The following MCU variants were observed in gnomAD, a reference collection of about 807,000 sequenced individuals.
The protein encoded by MCU is mitochondrial calcium uniporter.
A neutral mutation model predicts 45.2 loss-of-function variants in MCU; 12 were observed. That is an observed-to-expected ratio of 0.27 (90% CI 0.17 to 0.43). The LOEUF (loss-of-function observed/expected upper bound fraction) is 0.43, where lower values mean the gene tolerates loss of function less well. MCU is among the 20% of genes least tolerant of loss of function. MCU has a pLI of 1.00. For synonymous variants in MCU, 160 were observed against 165.1 expected (o/e 0.97, Z 0.24); for missense variants, 324 against 436.7 (o/e 0.74, Z 2.30).
intron 1 of MCU, among the ~76,000 whole-genome samples, chr10:72,759,912 T>G (rs986811871): frequency 6.6e-6 from 1 of 152,216 alleles, no homozygotes; most frequent in African/African-American, 2.4e-5. Context: ...ATCCTTGATT[T>G]GGAGCTTCTA....
chr10:72,850,330 T>G (rs1401917814), intron 2 of MCU, among the ~76,000 whole-genome samples: 1 of 152,138 alleles, frequency 6.6e-6, no homozygotes, highest in Non-Finnish European at 1.5e-5. Context: ...AAATCGACAA[T>G]GTTAAGATCA....
chr10:72,708,086 G>A (rs1842846547), intron 1 of MCU, among the ~76,000 whole-genome samples: 1 of 152,184 alleles, frequency 6.6e-6, no homozygotes, highest in Non-Finnish European at 1.5e-5. Flanking sequence ...CAGGTATTGT[G>A]TATTTGCTTA....
At chr10:72,760,920 A>T (rs1221192947) in intron 1 of MCU, among the ~76,000 whole-genome samples, 4 of 152,028 alleles carry the variant, frequency 2.6e-5, no homozygotes, top group African/African-American at 9.7e-5. Context: ...TTAGTAAATG[A>T]TAGGGCTGAA....
chr10:72,862,172 G>C (rs1845388558), intron 4 of MCU, among the ~76,000 whole-genome samples: 1 of 151,824 alleles, frequency 6.6e-6, no homozygotes, highest in Non-Finnish European at 1.5e-5. Flanking sequence ...TAGTAGAGAC[G>C]GGGTTTCACC....
At chr10:72,706,356 G>A (rs755288948) in intron 1 of MCU, among the ~76,000 whole-genome samples, 3 of 151,680 alleles carry the variant, frequency 2.0e-5, no homozygotes, top group Admixed American at 2.0e-4. Context: ...GACTCAGAAG[G>A]TATAACAATA....
chr10:72,820,310 C>T (rs943585202), intron 1 of MCU, among the ~76,000 whole-genome samples: 2 of 152,074 alleles, frequency 1.3e-5, no homozygotes, highest in Admixed American at 1.3e-4. Context: ...TCTCATTCTC[C>T]TATTCTCATA....
chr10:72,804,972 G>C (rs1484263189), intron 1 of MCU, among the ~76,000 whole-genome samples: 1 of 151,960 alleles, frequency 6.6e-6, no homozygotes, highest in East Asian at 1.9e-4. Context: ...GGATTTGCTG[G>C]TTGCCCAGGC....
At chr10:72,738,995 A>G (rs977375645) in intron 1 of MCU, among the ~76,000 whole-genome samples, 2 of 152,104 alleles carry the variant, frequency 1.3e-5, no homozygotes, top group South Asian at 2.1e-4. Flanking sequence ...ATTATATTCA[A>G]CTAGAGCCAA....
chr10:72,780,210 A>G (rs1490927433), intron 1 of MCU, among the ~76,000 whole-genome samples: 1 of 152,198 alleles, frequency 6.6e-6, no homozygotes, highest in Non-Finnish European at 1.5e-5. Flanking sequence ...AATGTCCAGA[A>G]TAGGCAAATC....
intron 4 of MCU, among the ~76,000 whole-genome samples, chr10:72,866,260 G>T (rs1311865276): frequency 6.6e-6 from 1 of 152,048 alleles, no homozygotes; most frequent in African/African-American, 2.4e-5. Context: ...TTGAAATTCT[G>T]TATTTAAGAG....
chr10:72,747,422 T>A, intron 1 of MCU, among the ~76,000 whole-genome samples: 1 of 152,258 alleles, frequency 6.6e-6, no homozygotes, highest in African/African-American at 2.4e-5. Flanking sequence ...GTGCTTGTTA[T>A]GATGAGGTAA....
chr10:72,882,522 T>G (rs1214224078), intron 6 of MCU, among the ~76,000 whole-genome samples: 1 of 152,130 alleles, frequency 6.6e-6, no homozygotes, highest in Non-Finnish European at 1.5e-5. Context: ...CCGTCTTCTA[T>G]GGTCGAAACT....
At chr10:72,868,621 A>G (rs1845494284) in intron 4 of MCU, 82 bp from the exon 5 acceptor site, 7 of 1,276,624 alleles carry the variant, frequency 5.5e-6, no homozygotes, top group Non-Finnish European at 7.7e-6. Context: ...CCTATAATGG[A>G]TGAATCTGCC....
At chr10:72,846,801 A>G (rs1348905130) in intron 2 of MCU, among the ~76,000 whole-genome samples, 1 of 152,102 alleles carries the variant, frequency 6.6e-6, no homozygotes, top group Non-Finnish European at 1.5e-5. Flanking sequence ...GGGAACCAGG[A>G]TAGGGACTGG....
At chr10:72,730,948 T>A (rs1564540860) in intron 1 of MCU, 1 of 152,190 alleles carries the variant, frequency 6.6e-6, no homozygotes, top group Non-Finnish European at 1.5e-5. Context: ...AGTCGGTTTT[T>A]AAAAAATTGT....
intron 1 of MCU, among the ~76,000 whole-genome samples, chr10:72,775,421 A>G (rs1843876440): frequency 6.6e-6 from 1 of 152,162 alleles, no homozygotes; most frequent in Admixed American, 6.5e-5. Context: ...TATGATGATA[A>G]ACACTTCTAT....
intron 1 of MCU, chr10:72,767,147 C>A (rs770280719): frequency 6.6e-6 from 1 of 151,788 alleles, no homozygotes; most frequent in African/African-American, 2.4e-5. Context: ...TTTGTCTTTT[C>A]GTTATTTTGT....
chr10:72,749,479 C>T (rs1387684439), intron 1 of MCU, among the ~76,000 whole-genome samples: 1 of 152,034 alleles, frequency 6.6e-6, no homozygotes, highest in Non-Finnish European at 1.5e-5. Flanking sequence ...AAAATAAATA[C>T]AACACATTAG....
At chr10:72,796,569 T>C (rs758805781) in intron 1 of MCU, among the ~76,000 whole-genome samples, 1 of 152,206 alleles carries the variant, frequency 6.6e-6, no homozygotes, top group African/African-American at 2.4e-5. Context: ...TTGTTACTCA[T>C]GTTGGAGTAA....
Sources: gnomAD v4.1 joint callset for allele counts (sites outside exome capture counted in the v4.1 genomes callset) on GRCh38, gnomAD v4.1.1 for gene constraint, MANE v1.5 for transcripts, NCBI Gene and HGNC (gene_info 2026-07-23, HGNC 2026-07-21) for gene names.